Variants in C20orf203 observed in about 807,000 individuals in gnomAD.
The protein encoded by C20orf203 is chromosome 20 open reading frame 203.
Under a neutral mutation model 15.9 loss-of-function variants are expected in C20orf203, and 16 were observed. The observed-to-expected ratio is 1.01, with a 90% CI of 0.68 to 1.53. C20orf203 has a LOEUF of 1.53. C20orf203 is among the 40% of genes most tolerant of loss of function. C20orf203 has a pLI of 0.00. For missense variants in C20orf203, 263 were observed against 247.5 expected, an observed-to-expected ratio of 1.06 and a Z score of -0.42; for synonymous variants, 98 against 97.2, an observed-to-expected ratio of 1.01 and a Z score of -0.05.
At chr20:32,664,405 C>A (rs1205376792) in intron 1 of C20orf203, among the ~76,000 whole-genome samples, 1 of 152,286 alleles carries the variant, frequency 6.6e-6, no homozygotes, top group Admixed American at 6.5e-5. Context: ...CAGAGCCAGC[C>A]GTAGAGTTGG....
intron 1 of C20orf203, among the ~76,000 whole-genome samples, chr20:32,662,563 A>C (rs1367353238): frequency 6.6e-6 from 1 of 152,124 alleles, no homozygotes; most frequent in East Asian, 1.9e-4. Context: ...ACGCCACTGC[A>C]CTCCAGCCTG....
In C20orf203 at chr20:32,650,345, G is replaced by T; in HGVS notation, c.*87C>A. 1.1e-6 allele frequency: 1 copy of T among 928,532 alleles called. No individual in the cohort carries two copies. Among genetic ancestry groups the T allele is most frequent in the Non-Finnish European group, 1.7e-6 (1 of 604,746 alleles). 57.5% of individuals were successfully genotyped at this position (928,532 alleles called of 1,614,324 possible). A position where few individuals can be genotyped will look rare whatever the true frequency, so the allele number is the denominator to read the frequency against. On this transcript the variant is annotated 3_prime_UTR_variant, in exon 4 of 6. Transcript: ENST00000608990. ...ACTCTGGGGAGCAGAATGATTGTGG[G>T]GGGTGGTAACAGGGGACACCCTGAG...
intron 1 of C20orf203, chr20:32,657,923 G>C (rs1982801456): frequency 6.6e-6 from 1 of 151,206 alleles, no homozygotes; most frequent in Admixed American, 6.6e-5. Context: ...TTGCGCCACT[G>C]CACTCCAGCC....
At chr20:32,640,286 A>C (rs887493880) in intron 5 of C20orf203, among the ~76,000 whole-genome samples, 4 of 152,110 alleles carry the variant, frequency 2.6e-5, no homozygotes, top group Non-Finnish European at 4.4e-5. Context: ...TTTTAATAAC[A>C]GCTTTGTTGA....
chr20:32,660,065 T>C lies in C20orf203; in HGVS notation c.-263-8084A>G, dbSNP rs145559695. On this transcript the variant is annotated intron_variant, in intron 1 of 5. Coordinates refer to ENST00000608990, the MANE Select transcript of C20orf203 (RefSeq NM_182584.4). Reference sequence around the variant, plus strand: ...TATAAGTCTTCATTCTGACTTTATTTCCCCCCATTTTAAAGGCCCAGGGAG... The same window carrying C: ...TATAAGTCTTCATTCTGACTTTATTCCCCCCCATTTTAAAGGCCCAGGGAG... 2.4e-3 allele frequency among the ~76,000 whole-genome samples: 370 copies of C among 152,162 alleles called. 2 individuals carry two copies. Among genetic ancestry groups the C allele is most frequent in the African/African-American group, 8.4e-3 (349 of 41,522 alleles).
In C20orf203 at chr20:32,650,222, C is replaced by A. The variant is rs1982564906; in HGVS notation, c.*210G>T. The A allele has an allele frequency of 1.8e-6, 1 of 568,962 alleles. No homozygotes were observed. The highest frequency in any genetic ancestry group is 2.9e-5 in the East Asian group (1 of 34,180). The allele number at this position is 568,962 out of a possible 1,614,324, so 35.2% of individuals were successfully genotyped here. On this transcript the variant is annotated 3_prime_UTR_variant, in exon 4 of 6. Transcript: ENST00000608990. ...TCTACCCAGAGCCAGCCTGGCACAGCCTCGGTCCCTAATCATGTTTGCTGA... is the reference window on the plus strand; with the variant it reads ...TCTACCCAGAGCCAGCCTGGCACAGACTCGGTCCCTAATCATGTTTGCTGA...
chr20:32,660,472 C>T (rs1327878641), intron 1 of C20orf203, among the ~76,000 whole-genome samples: 3 of 152,290 alleles, frequency 2.0e-5, no homozygotes, highest in African/African-American at 4.8e-5. Flanking sequence ...ACGCTGCTGC[C>T]GAAAAGAGGG....
Position 32,650,839 on chromosome 20 carries a change from G to T in C20orf203, c.178C>A (p.Leu60Ile). The change falls in exon 4 of 6, where the codon CTT becomes ATT. Residue 60 changes from leucine (L) to isoleucine (I), a missense_variant. Physicochemically the swap from Leu to Ile is conservative, Grantham distance 5. Transcript: ENST00000608990. ...LAGLTAHLWD[L>I]GGGAGRRTSK... is the part of the protein sequence containing the mutation. ...GTCCTCCTTCCCGCCCCACCGCCAA[G>T]GTCCCAGAGGTGGGCAGTGAGTCCA... is the stretch of plus-strand genomic sequence containing the variant. 6.8e-7 allele frequency: 1 copy of T among 1,466,834 alleles called. No homozygotes were observed. The highest frequency in any genetic ancestry group is 9.0e-7 in the Non-Finnish European group (1 of 1,106,984). 90.9% of individuals were successfully genotyped at this position (1,466,834 alleles called of 1,614,324 possible).
In C20orf203 at chr20:32,651,019, C is replaced by A. The variant is rs776094920; in HGVS notation, c.134G>T (p.Arg45Leu). The A allele has an allele frequency of 2.0e-6, 3 of 1,488,230 alleles. No homozygotes were observed. The highest frequency in any genetic ancestry group is 1.4e-5 in the African/African-American group (1 of 70,842). The allele number at this position is 1,488,230 out of a possible 1,614,324, so 92.2% of individuals were successfully genotyped here. The change falls in exon 3 of 6, where the codon CGG becomes CTG. Residue 45 changes from arginine to leucine, a missense_variant and splice_region_variant. Transcript: ENST00000608990. Reference protein sequence around the residue: ...FPFTKTGMLSRATSVLAGLTA... With the variant: ...FPFTKTGMLSLATSVLAGLTA... Reference sequence around the variant, plus strand: ...GGAGACAGGGACAGCACTTCTTACCCGGCTCAGCATTCCAGTTTTTGTAAA... The same window carrying A: ...GGAGACAGGGACAGCACTTCTTACCAGGCTCAGCATTCCAGTTTTTGTAAA...
At chr20:32,658,377 A>G (rs1209915792) in intron 1 of C20orf203, among the ~76,000 whole-genome samples, 2 of 152,218 alleles carry the variant, frequency 1.3e-5, no homozygotes, top group South Asian at 2.1e-4. Context: ...ATCACGGCTC[A>G]CTGCAGCCTC....
chr20:32,647,590 G>A (rs145876158), intron 4 of C20orf203, among the ~76,000 whole-genome samples: 288 of 151,892 alleles, frequency 1.9e-3, no homozygotes, highest in African/African-American at 6.4e-3. Context: ...CTGTAGTCCC[G>A]ACTACTCAGG....
At chr20:32,653,427 T>C (rs1359310933) in intron 1 of C20orf203, among the ~76,000 whole-genome samples, 1 of 152,178 alleles carries the variant, frequency 6.6e-6, no homozygotes, top group Non-Finnish European at 1.5e-5. Flanking sequence ...TGAGTATCTG[T>C]GTGACATAGC....
chr20:32,651,370 G>A (rs926054901), intron 2 of C20orf203, among the ~76,000 whole-genome samples: 7 of 151,506 alleles, frequency 4.6e-5, no homozygotes, highest in Non-Finnish European at 1.0e-4. Flanking sequence ...GAAAAGAAAC[G>A]AGAAAATTGG....
intron 1 of C20orf203, among the ~76,000 whole-genome samples, chr20:32,662,066 C>T (rs1047828143): frequency 6.6e-6 from 1 of 152,198 alleles, no homozygotes; most frequent in Non-Finnish European, 1.5e-5. Context: ...CTTTCCACCA[C>T]CCGCTCACGC....
chr20:32,637,246 C>G (rs1982161025), intron 5 of C20orf203, among the ~76,000 whole-genome samples: 1 of 152,142 alleles, frequency 6.6e-6, no homozygotes, highest in Non-Finnish European at 1.5e-5. Context: ...AACCCCATCT[C>G]TACTAAAAAT....
Position 32,633,408 on chromosome 20 carries a change from C to T in C20orf203, c.*2162G>A, listed in dbSNP as rs1982053246. On this transcript the variant is annotated 3_prime_UTR_variant, in exon 6 of 6. Coordinates refer to ENST00000608990, the MANE Select transcript of C20orf203 (RefSeq NM_182584.4). ...CCTCTGTGCCTGCCCCTTCTTCAGCCCTCATAACAGCCCCAGGAGGCAGAC... is the reference window on the plus strand; with the variant it reads ...CCTCTGTGCCTGCCCCTTCTTCAGCTCTCATAACAGCCCCAGGAGGCAGAC... 6.6e-6 allele frequency: 1 copy of T among 152,106 alleles called. No homozygotes were observed. The highest frequency in any genetic ancestry group is 2.4e-5 in the African/African-American group (1 of 41,370). 9.4% of individuals were successfully genotyped at this position (152,106 alleles called of 1,614,324 possible). A position where few individuals can be genotyped will look rare whatever the true frequency, so the allele number is the denominator to read the frequency against.
rs1982069152 is a variant in C20orf203, at chr20:32,633,923, T to G, written c.*1647A>C. ...CCCGTCCGCCTGGACTGGATGCTTC[T>G]CCCGGATCCTGATGCCTGAGCTTCA... On this transcript the variant is annotated 3_prime_UTR_variant, in exon 6 of 6. Coordinates refer to ENST00000608990, the MANE Select transcript of C20orf203 (RefSeq NM_182584.4). 1 of 397,988 alleles carries G rather than the reference T, an allele frequency of 2.5e-6. No individual in the cohort carries two copies. The highest frequency in any genetic ancestry group is 4.4e-6 in the Non-Finnish European group (1 of 226,098). The allele number at this position is 397,988 out of a possible 1,614,324, so 24.7% of individuals were successfully genotyped here.
At chr20:32,640,368 A>T (rs1982247817) in intron 5 of C20orf203, among the ~76,000 whole-genome samples, 198 bp downstream of exon 5, 1 of 152,142 alleles carries the variant, frequency 6.6e-6, no homozygotes, top group Non-Finnish European at 1.5e-5. Context: ...ATACTCACAG[A>T]ATTGTGAAGC....
chr20:32,637,409 G>A (rs533702402), intron 5 of C20orf203, among the ~76,000 whole-genome samples: 3 of 152,126 alleles, frequency 2.0e-5, no homozygotes, highest in Non-Finnish European at 2.9e-5. Context: ...GAGCAAGACT[G>A]TCTCAAAATA....
Sources: allele counts gnomAD v4.1 joint callset (sites outside exome capture counted in the v4.1 genomes callset), GRCh38; gene constraint gnomAD v4.1.1; transcripts MANE v1.5; gene names NCBI Gene and HGNC (gene_info 2026-07-23, HGNC 2026-07-21).